Variants in SLIT2 observed in about 807,000 individuals in gnomAD.
SLIT2 encodes slit homolog 2 protein.
Under a neutral mutation model 185.7 loss-of-function variants are expected in SLIT2, and 41 were observed. The observed-to-expected ratio is 0.22, with a 90% confidence interval of 0.17 to 0.29. The LOEUF (loss-of-function observed/expected upper bound fraction) is 0.29, where lower values mean the gene tolerates loss of function less well. Ranked by LOEUF, SLIT2 falls within the 10% of genes least tolerant of loss-of-function variation. The pLI is 1.00. For missense variants in SLIT2, 1,571 were observed against 1,909.0 expected, an observed-to-expected ratio of 0.82 and a Z score of 3.30; for synonymous variants, 693 against 680.2, an observed-to-expected ratio of 1.02 and a Z score of -0.29.
chr4:20,579,232 G>A (rs1199834400), intron 29 of SLIT2, among the ~76,000 whole-genome samples: 4 of 151,598 alleles, frequency 2.6e-5, no homozygotes, highest in African/African-American at 9.7e-5. Flanking sequence ...CCAGGAGGCG[G>A]AGGTTACACT....
At chr4:20,371,996 A>G (rs928697416) in intron 4 of SLIT2, among the ~76,000 whole-genome samples, 1 of 152,152 alleles carries the variant, frequency 6.6e-6, no homozygotes, top group East Asian at 1.9e-4. Context: ...TTTAACAAAA[A>G]GAGAGATTCC....
At position 20,254,302 on chromosome 4, in the gene SLIT2, A is replaced by G. The variant is rs1023391124; in HGVS notation, c.179+308A>G. ...GTAGATAGGGGACAAGTACTGGAGG[A>G]TGCCCGGGGCAAGTGAGACGCCACT... On this transcript the variant is annotated intron_variant, in intron 1 of 36. Transcript: ENST00000504154. The surrounding 1 kb of genome is among the most constrained non-coding windows in gnomAD (Gnocchi z 5.1). 1.2e-4 allele frequency among the ~76,000 whole-genome samples: 18 copies of G among 152,108 alleles called. No individual in the cohort carries two copies. The highest frequency in any genetic ancestry group is 4.3e-4 in the African/African-American group (18 of 41,426).
chr4:20,509,064 C>T (rs1013364181), intron 9 of SLIT2, among the ~76,000 whole-genome samples: 2 of 151,414 alleles, frequency 1.3e-5, no homozygotes, highest in African/African-American at 2.4e-5. Context: ...GTATTACCAA[C>T]GTTCAATAAA....
chr4:20,563,322 G>A (rs1724844187), intron 26 of SLIT2, among the ~76,000 whole-genome samples: 1 of 151,600 alleles, frequency 6.6e-6, no homozygotes, highest in Non-Finnish European at 1.5e-5. Flanking sequence ...CCCCTCCGTG[G>A]CACACATCTC....
chr4:20,558,603 A>G (rs1724452011), intron 26 of SLIT2, among the ~76,000 whole-genome samples: 1 of 152,040 alleles, frequency 6.6e-6, no homozygotes, highest in African/African-American at 2.4e-5. Flanking sequence ...AACCAAACCC[A>G]CAATATCTCC....
At chr4:20,265,920 G>A (rs1712989163) in intron 3 of SLIT2, among the ~76,000 whole-genome samples, 1 of 151,820 alleles carries the variant, frequency 6.6e-6, no homozygotes, top group Admixed American at 6.6e-5. Context: ...GATTCAGAGG[G>A]TATGTTTTAG....
At chr4:20,267,724 C>G (rs1713183449) in intron 3 of SLIT2, among the ~76,000 whole-genome samples, 1 of 151,826 alleles carries the variant, frequency 6.6e-6, no homozygotes, top group Admixed American at 6.6e-5. Context: ...AAGTATAATT[C>G]TGCATCTACC....
chr4:20,324,240 A>G (rs1719350174), intron 4 of SLIT2, among the ~76,000 whole-genome samples: 1 of 151,682 alleles, frequency 6.6e-6, no homozygotes, highest in African/African-American at 2.4e-5. Context: ...TGCTATGTTG[A>G]CAACCCCAGT....
At chr4:20,409,055 G>C (rs1387635116) in intron 4 of SLIT2, among the ~76,000 whole-genome samples, 1 of 151,696 alleles carries the variant, frequency 6.6e-6, no homozygotes, top group Non-Finnish European at 1.5e-5. Flanking sequence ...AAGCTGCCAT[G>C]TTTTTCCTTT....
At chr4:20,500,639 A>G (rs1209785142) in intron 9 of SLIT2, among the ~76,000 whole-genome samples, 2 of 152,170 alleles carry the variant, frequency 1.3e-5, no homozygotes, top group Non-Finnish European at 2.9e-5. Context: ...AAAATGTTAA[A>G]TTATTTATTT....
chr4:20,580,829 T>C (rs1560212526), intron 29 of SLIT2, among the ~76,000 whole-genome samples: 1 of 152,152 alleles, frequency 6.6e-6, no homozygotes. Context: ...GAGCACTCCT[T>C]CTCCTTTGTG....
At position 20,277,196 on chromosome 4, in the gene SLIT2, T is replaced by C. The variant is rs1201388902; in HGVS notation, c.395+8315T>C. ...TTTCAGTGTTAAATGATCATTTAATTAACACCTAAGGGGAAAAAAAACTTG... is the reference window on the plus strand; with the variant it reads ...TTTCAGTGTTAAATGATCATTTAATCAACACCTAAGGGGAAAAAAAACTTG... On this transcript the variant is annotated intron_variant, in intron 4 of 36. Coordinates refer to ENST00000504154, the MANE Select transcript of SLIT2 (RefSeq NM_004787.4). Among the ~76,000 whole-genome samples, 8 of 152,270 alleles carry C rather than the reference T, an allele frequency of 5.3e-5. No individual in the cohort carries two copies. In the South Asian group the frequency reaches 1.5e-3, roughly 28 times the overall value.
chr4:20,573,922 G>A (rs1725842928), intron 29 of SLIT2, among the ~76,000 whole-genome samples: 3 of 125,614 alleles, frequency 2.4e-5, no homozygotes, highest in South Asian at 5.1e-4. Flanking sequence ...GCCCAAGAAC[G>A]TGAGTCATAG....
chr4:20,275,342 T>C (rs73803848), intron 4 of SLIT2, among the ~76,000 whole-genome samples: 2,222 of 152,274 alleles, frequency 0.015, 60 homozygotes, highest in African/African-American at 0.051. Flanking sequence ...TGAGGTTTCT[T>C]ATCTGTAAAA....
chr4:20,556,259 C>T (rs1386996630), intron 26 of SLIT2, among the ~76,000 whole-genome samples: 3 of 151,762 alleles, frequency 2.0e-5, no homozygotes, highest in African/African-American at 7.3e-5. Context: ...AGATGATTGT[C>T]AAAGGGGAGG....
chr4:20,381,376 G>T (rs963969757), intron 4 of SLIT2, among the ~76,000 whole-genome samples: 2 of 152,070 alleles, frequency 1.3e-5, no homozygotes, highest in East Asian at 1.9e-4. Flanking sequence ...CAGATTTCTT[G>T]TCAGAAACTA....
At chr4:20,291,197 C>G (rs189544971) in intron 4 of SLIT2, among the ~76,000 whole-genome samples, 269 of 152,086 alleles carry the variant, frequency 1.8e-3, no homozygotes, top group African/African-American at 5.8e-3. Flanking sequence ...ATGTCTTGCA[C>G]TTGTGTGATG....
At position 20,342,548 on chromosome 4, in the gene SLIT2, A is replaced by G. The variant is rs77455394; in HGVS notation, c.395+73667A>G. 2.8e-3 allele frequency among the ~76,000 whole-genome samples: 430 copies of G among 152,180 alleles called. 9 individuals carry two copies. In the East Asian group the frequency reaches 0.052, roughly 19 times the overall value. ...GACTTTTATATCATAATAAAGTATT[A>G]CCTAGGATAGAACTTTTAGCATAAA... On this transcript the variant is annotated intron_variant, in intron 4 of 36. Coordinates refer to ENST00000504154, the MANE Select transcript of SLIT2 (RefSeq NM_004787.4).
intron 4 of SLIT2, among the ~76,000 whole-genome samples, chr4:20,299,830 C>G (rs1388451570): frequency 6.6e-6 from 1 of 151,648 alleles, no homozygotes; most frequent in South Asian, 2.1e-4. Context: ...CATAGGGCTC[C>G]GTAACAGATA....
Sources: gnomAD v4.1 joint callset for allele counts (sites outside exome capture counted in the v4.1 genomes callset) on GRCh38, gnomAD v4.1.1 for gene constraint, Gnocchi (gnomAD v3.1) non-coding constraint, MANE v1.5 for transcripts, NCBI Gene and HGNC (gene_info 2026-07-23, HGNC 2026-07-21) for gene names.